SLC2A9: variants seen among roughly 807,000 people sequenced by gnomAD.
SLC2A9 encodes the protein solute carrier family 2 member 9.
A neutral mutation model predicts 50.6 loss-of-function variants in SLC2A9; 39 were observed. That is an observed-to-expected ratio of 0.77 (90% CI 0.60 to 1.01). The LOEUF is 1.01. Among genes scored for constraint, SLC2A9 ranks in the 50% least tolerant of loss-of-function variants. The pLI is 0.00. For synonymous variants in SLC2A9, 324 were observed against 276.9 expected (o/e 1.17, Z -1.69); for missense variants, 686 against 677.6 (o/e 1.01, Z -0.14).
At chr4:9,929,617 G>C (rs958657664) in intron 6 of SLC2A9, among the ~76,000 whole-genome samples, 6 of 152,214 alleles carry the variant, frequency 3.9e-5, no homozygotes, top group African/African-American at 1.4e-4. Flanking sequence ...GCTGCAGCAA[G>C]GCTGAAATTA....
At chr4:9,828,925 A>G (rs1243469889) in intron 11 of SLC2A9, among the ~76,000 whole-genome samples, 2 of 152,262 alleles carry the variant, frequency 1.3e-5, no homozygotes, top group African/African-American at 4.8e-5. Context: ...TGCTCTGAGT[A>G]TCTTAGTGAG....
intron 10 of SLC2A9, among the ~76,000 whole-genome samples, chr4:9,849,675 A>G (rs1729545043): frequency 6.6e-6 from 1 of 152,194 alleles, no homozygotes; most frequent in African/African-American, 2.4e-5. Context: ...CTAATTAAAA[A>G]GAGGAAGCTG....
intron 6 of SLC2A9, among the ~76,000 whole-genome samples, chr4:9,932,469 T>C (rs1246052731): frequency 6.6e-6 from 1 of 152,124 alleles, no homozygotes; most frequent in Admixed American, 6.5e-5. Flanking sequence ...TATAAACATA[T>C]CATTTCAGGT....
chr4:9,989,328 G>A (rs551744670), intron 3 of SLC2A9, among the ~76,000 whole-genome samples: 2 of 152,266 alleles, frequency 1.3e-5, no homozygotes, highest in East Asian at 3.9e-4. Context: ...ACCTCAAGAA[G>A]GGTTAAGGCT....
intron 4 of SLC2A9, among the ~76,000 whole-genome samples, chr4:9,981,230 G>GGTGGTGGT (rs1755743748): frequency 1.3e-5 from 1 of 74,226 alleles, no homozygotes; most frequent in Non-Finnish European, 2.9e-5. Flanking sequence ...TGGTGGTGAT[G>GGTGGTGGT]ACTGTGATGA....
chr4:9,922,317 G>A (rs1744084154), intron 6 of SLC2A9, among the ~76,000 whole-genome samples: 1 of 151,936 alleles, frequency 6.6e-6, no homozygotes, highest in Non-Finnish European at 1.5e-5. Flanking sequence ...AGAGCCCATT[G>A]GGGGGTGGGG....
At chr4:9,923,137 A>C (rs1744238823) in intron 6 of SLC2A9, among the ~76,000 whole-genome samples, 1 of 152,120 alleles carries the variant, frequency 6.6e-6, no homozygotes, top group Non-Finnish European at 1.5e-5. Context: ...GGGGGCACCA[A>C]GGAGGGGGCA....
chr4:9,920,310 G>A (rs935238664), intron 7 of SLC2A9, 75 bp downstream of exon 7: 23 of 1,544,216 alleles, frequency 1.5e-5, no homozygotes, highest in Non-Finnish European at 2.0e-5. Flanking sequence ...GGGCGTCTGG[G>A]GCCCAAGCCC....
At chr4:9,959,722 C>T (rs561690864) in intron 5 of SLC2A9, among the ~76,000 whole-genome samples, 1 of 152,122 alleles carries the variant, frequency 6.6e-6, no homozygotes, top group South Asian at 2.1e-4. Context: ...AATATGAATA[C>T]TTTTCCTTTG....
intron 10 of SLC2A9, among the ~76,000 whole-genome samples, chr4:9,840,498 T>C (rs1727871174): frequency 6.6e-6 from 1 of 152,210 alleles, no homozygotes; most frequent in South Asian, 2.1e-4. Context: ...TATTTGCTCA[T>C]GTAAAATAAT....
At chr4:9,790,556 G>C (rs773956530) in intron 3 of SLC2A9, among the ~76,000 whole-genome samples, 4 of 152,166 alleles carry the variant, frequency 2.6e-5, no homozygotes, top group African/African-American at 9.7e-5. Context: ...TCCAACCAAT[G>C]ACATGGAGGG....
chr4:10,030,497 T>C (rs1763906636), intron 1 of SLC2A9, among the ~76,000 whole-genome samples: 1 of 152,112 alleles, frequency 6.6e-6, no homozygotes, highest in African/African-American at 2.4e-5. Flanking sequence ...TCAATATAGG[T>C]CCCTTTTACA....
intron 5 of SLC2A9, among the ~76,000 whole-genome samples, chr4:9,946,420 G>C (rs1749167639): frequency 6.6e-6 from 1 of 152,156 alleles, no homozygotes; most frequent in East Asian, 1.9e-4. Context: ...CCCAAGTCAA[G>C]TTCTTATAAA....
chr4:9,774,217 C>T (rs1717216523), intron 1 of SLC2A9, among the ~76,000 whole-genome samples: 1 of 152,070 alleles, frequency 6.6e-6, no homozygotes, highest in Non-Finnish European at 1.5e-5. Flanking sequence ...TGGTCTTGAG[C>T]TCCTGACCTC....
At chr4:9,988,929 G>A (rs966159056) in intron 3 of SLC2A9, among the ~76,000 whole-genome samples, 1 of 152,208 alleles carries the variant, frequency 6.6e-6, no homozygotes. Context: ...GGACGGATTG[G>A]GGGAAGACAT....
intron 1 of SLC2A9, among the ~76,000 whole-genome samples, chr4:10,019,932 G>C (rs1370139989): frequency 6.6e-6 from 1 of 152,260 alleles, no homozygotes; most frequent in Non-Finnish European, 1.5e-5. Flanking sequence ...GCATGAGCCA[G>C]GGCAGGAGGG....
intron 4 of SLC2A9, 74 bp downstream of exon 4, chr4:9,985,595 C>A: frequency 6.3e-7 from 1 of 1,595,564 alleles, no homozygotes; most frequent in Admixed American, 1.7e-5. Context: ...GTGACAGCCC[C>A]AAACACTTCT....
intron 2 of SLC2A9, among the ~76,000 whole-genome samples, chr4:9,999,089 T>TC (rs1759309367): frequency 6.6e-6 from 1 of 150,814 alleles, no homozygotes; most frequent in Non-Finnish European, 1.5e-5. Context: ...TTTTTTTTTT[T>TC]CAGGCTGGAG....
intron 11 of SLC2A9, among the ~76,000 whole-genome samples, chr4:9,830,804 G>C (rs1370883941): frequency 2.0e-5 from 3 of 152,212 alleles, no homozygotes; most frequent in African/African-American, 7.2e-5. Flanking sequence ...CACTGATGCT[G>C]ACCACAGCAA....
Sources: allele counts gnomAD v4.1 joint callset (sites outside exome capture counted in the v4.1 genomes callset), GRCh38; gene constraint gnomAD v4.1.1; transcripts MANE v1.5; gene names NCBI Gene and HGNC (gene_info 2026-07-23, HGNC 2026-07-21).